Variants in ARIH2 observed in about 807,000 individuals in gnomAD.
ARIH2 encodes E3 ubiquitin-protein ligase ARIH2.
A neutral mutation model predicts 79.8 loss-of-function variants in ARIH2; 12 were observed. The ratio of observed to expected loss-of-function variants is 0.15; its 90% confidence interval spans 0.10 to 0.24. The LOEUF is 0.24. ARIH2 is among the 10% of genes least tolerant of loss of function. ARIH2 has a pLI of 1.00. For synonymous variants in ARIH2, 224 were observed against 213.9 expected (o/e 1.05, Z -0.41); for missense variants, 301 against 618.3 (o/e 0.49, Z 5.44).
chr3:48,941,245 T>G (rs977921863), intron 3 of ARIH2, among the ~76,000 whole-genome samples: 3 of 151,988 alleles, frequency 2.0e-5, no homozygotes, highest in Non-Finnish European at 4.4e-5. Context: ...TTATTGACAT[T>G]GGAACCACAG....
At chr3:48,977,023 AC>A (rs1380134075) in intron 11 of ARIH2, among the ~76,000 whole-genome samples, 1 of 152,092 alleles carries the variant, frequency 6.6e-6, no homozygotes, top group Non-Finnish European at 1.5e-5. Flanking sequence ...ACATGGTGAA[AC>A]CCCATCTCTA....
At chr3:48,923,474 T>A (rs533551553) in intron 2 of ARIH2, among the ~76,000 whole-genome samples, 3 of 151,434 alleles carry the variant, frequency 2.0e-5, no homozygotes, top group Non-Finnish European at 2.9e-5. Context: ...TTTTAATTTT[T>A]AGAAATGGGA....
intron 4 of ARIH2, 45 bp from the exon 5 acceptor site, chr3:48,964,874 G>T: frequency 6.7e-7 from 1 of 1,503,478 alleles, no homozygotes; most frequent in Non-Finnish European, 9.3e-7. Flanking sequence ...GGGTAAAAAT[G>T]TCTTTAGCTT....
chr3:48,928,014 A>C (rs2085866778), intron 3 of ARIH2: 1 of 620,724 alleles, frequency 1.6e-6, no homozygotes, highest in Non-Finnish European at 2.7e-6. Context: ...TCAGATTCCC[A>C]AATTAGTAAG....
intron 3 of ARIH2, among the ~76,000 whole-genome samples, chr3:48,961,249 A>G (rs996235399): frequency 6.6e-6 from 1 of 152,146 alleles, no homozygotes; most frequent in African/African-American, 2.4e-5. Flanking sequence ...CCGGCGTACA[A>G]CCTCCTACAG....
intron 12 of ARIH2, 121 bp from the exon 13 acceptor site, chr3:48,980,232 G>A: frequency 1.0e-6 from 1 of 1,003,616 alleles, no homozygotes; most frequent in East Asian, 2.4e-5. Context: ...GCACTTTGGG[G>A]AATAAGTTAG....
intron 3 of ARIH2, among the ~76,000 whole-genome samples, chr3:48,944,445 G>T (rs534461282): frequency 4.6e-5 from 7 of 152,224 alleles, no homozygotes; most frequent in Non-Finnish European, 7.4e-5. Context: ...ATCAAGGTTA[G>T]GCTGGTGAGA....
rs1225664030 is a variant in ARIH2 at position 48,985,653 on chromosome 3, G to C, written c.*2383G>C. ...TATCAGTCAGCCCCTTCTTCCAGAGGGCTGTGGAGGCCCCAGTGGCCAAAC... is the reference window on the plus strand; with the variant it reads ...TATCAGTCAGCCCCTTCTTCCAGAGCGCTGTGGAGGCCCCAGTGGCCAAAC... On this transcript the variant is annotated 3_prime_UTR_variant, in exon 16 of 16. Transcript: ENST00000356401. 1 of 152,222 alleles carries C rather than the reference G, an allele frequency of 6.6e-6. No individual in the cohort carries two copies. Among genetic ancestry groups the C allele is most frequent in the East Asian group, 1.9e-4 (1 of 5,198 alleles). The allele number at this position is 152,222 out of a possible 1,614,324, so 9.4% of individuals were successfully genotyped here.
At chr3:48,921,834 C>T (rs528551026) in intron 1 of ARIH2, among the ~76,000 whole-genome samples, 1 of 151,870 alleles carries the variant, frequency 6.6e-6, no homozygotes, top group East Asian at 1.9e-4. Flanking sequence ...TCACTGCAGC[C>T]TCAACCTCCT....
intron 3 of ARIH2, among the ~76,000 whole-genome samples, chr3:48,948,344 C>T (rs1157130698): frequency 6.6e-6 from 1 of 151,946 alleles, no homozygotes; most frequent in Non-Finnish European, 1.5e-5. Context: ...TCTCGGCTCA[C>T]CGCAACCTTT....
rs1376608233 is a variant in ARIH2, at chr3:48,984,485, G to A, written c.*1215G>A. On this transcript the variant is annotated 3_prime_UTR_variant, in exon 16 of 16. Transcript: ENST00000356401. ...CGAGACTCCTTGGTTTGTGGTCCGAGATCCTGTACTAAGGAGGGTCTGGCC... is the reference window on the plus strand; with the variant it reads ...CGAGACTCCTTGGTTTGTGGTCCGAAATCCTGTACTAAGGAGGGTCTGGCC... The A allele has an allele frequency of 2.6e-5, 4 of 152,448 alleles. No homozygotes were observed. Among genetic ancestry groups the A allele is most frequent in the African/African-American group, 7.2e-5 (3 of 41,432 alleles). The allele number at this position is 152,448 out of a possible 1,614,324, so 9.4% of individuals were successfully genotyped here.
chr3:48,930,686 A>G (rs564383067), intron 3 of ARIH2, among the ~76,000 whole-genome samples: 26 of 152,216 alleles, frequency 1.7e-4, no homozygotes, highest in East Asian at 7.7e-4. Context: ...AGTTTACCCA[A>G]TGGTGTTCCG....
At chr3:48,949,181 G>A (rs2089627082) in intron 3 of ARIH2, 1 of 445,056 alleles carries the variant, frequency 2.2e-6, no homozygotes, top group Non-Finnish European at 4.5e-6. Flanking sequence ...GCAGTGGCAC[G>A]ATCTCGGCTC....
chr3:48,962,623 C>T (rs1170830996), intron 4 of ARIH2, among the ~76,000 whole-genome samples: 1 of 152,172 alleles, frequency 6.6e-6, no homozygotes, highest in East Asian at 1.9e-4. Context: ...TCATCCTCAG[C>T]ATTATTGACA....
intron 13 of ARIH2, among the ~76,000 whole-genome samples, 177 bp downstream of exon 13, chr3:48,980,673 C>T (rs2107693979): frequency 6.6e-6 from 1 of 152,140 alleles, no homozygotes; most frequent in East Asian, 1.9e-4. Context: ...ACCCAGTCCT[C>T]TGATGGATGT....
chr3:48,939,686 A>C lies in ARIH2; in HGVS notation c.255+11873A>C, dbSNP rs1004990764. 3.6e-4 allele frequency among the ~76,000 whole-genome samples: 50 copies of C among 139,100 alleles called. 1 individual carries two copies. The highest frequency in any genetic ancestry group is 3.4e-3 in the Admixed American group (45 of 13,390). The allele number at this position is 139,100 out of a possible 152,430, so 91.3% of individuals were successfully genotyped here. On this transcript the variant is annotated intron_variant, in intron 3 of 15. Transcript: ENST00000356401. ...GGCAGGAGAATGGCGTGAACCTGGG[A>C]GGAGGAGCTTGCAGTGAGCCGAGAT... is the stretch of plus-strand genomic sequence containing the variant.
rs993646148 is a variant in ARIH2, at chr3:48,985,458, A to G, written c.*2188A>G. The G allele has an allele frequency of 2.0e-5, 3 of 152,234 alleles. No homozygotes were observed. Among genetic ancestry groups the G allele is most frequent in the Non-Finnish European group, 4.4e-5 (3 of 68,056 alleles). 9.4% of individuals were successfully genotyped at this position (152,234 alleles called of 1,614,324 possible). ...TACCATATATCTTTGTTTTTCTTCA[A>G]CGAAAAAGTTAATTGAGGCAATGTC... On this transcript the variant is annotated 3_prime_UTR_variant, in exon 16 of 16. Transcript: ENST00000356401.
At chr3:48,968,436 C>T (rs755764418) in intron 6 of ARIH2, 98 bp from the exon 7 acceptor site, 56 of 1,225,156 alleles carry the variant, frequency 4.6e-5, no homozygotes, top group South Asian at 6.0e-5. Flanking sequence ...CTCGAACTCC[C>T]GACCTCAGGT....
At chr3:48,938,913 CAAAAAAAAAAAAA>C (rs1158929356) in intron 3 of ARIH2, among the ~76,000 whole-genome samples, 36 of 54,396 alleles carry the variant, frequency 6.6e-4, no homozygotes, top group Admixed American at 1.9e-3. Context: ...GTCTTTAGAC[CAAAAAAAAAAAAA>C]AAAAAAAAAA....
Sources: gnomAD v4.1 joint callset for allele counts (sites outside exome capture counted in the v4.1 genomes callset) on GRCh38, gnomAD v4.1.1 for gene constraint, MANE v1.5 for transcripts, NCBI Gene and HGNC (gene_info 2026-07-23, HGNC 2026-07-21) for gene names.